Variants in WTAP observed in about 807,000 individuals in gnomAD.
WTAP encodes pre-mRNA-splicing regulator WTAP.
A neutral mutation model predicts 50.0 loss-of-function variants in WTAP; 8 were observed. That is an observed-to-expected ratio of 0.16 (90% confidence interval 0.09 to 0.29). WTAP has a LOEUF of 0.29. Among genes scored for constraint, WTAP ranks in the 10% least tolerant of loss-of-function variants. The probability of loss-of-function intolerance (pLI) is 1.00; values close to 1 mark genes in which losing one functional copy is unlikely to be tolerated. For missense variants in WTAP, 295 were observed against 470.7 expected, an observed-to-expected ratio of 0.63 and a Z score of 3.45; for synonymous variants, 194 against 169.0, an observed-to-expected ratio of 1.15 and a Z score of -1.15.
intron 1 of WTAP, among the ~76,000 whole-genome samples, chr6:159,733,469 A>G (rs1318128477): frequency 6.6e-6 from 1 of 152,140 alleles, no homozygotes; most frequent in Non-Finnish European, 1.5e-5. Context: ...AAAATTACAA[A>G]AAATTAACTG....
Position 159,727,693 on chromosome 6 carries a change from T to A in WTAP, c.-19T>A. ...CGACCGGTGGCGCCGGCGCGGCTTCTGCCTGGAGAGGTAGGCGCGGGCCGG... is the reference window on the plus strand; with the variant it reads ...CGACCGGTGGCGCCGGCGCGGCTTCAGCCTGGAGAGGTAGGCGCGGGCCGG... On this transcript the variant is annotated 5_prime_UTR_variant, in exon 1 of 8. Transcript: ENST00000621533. 1.0e-6 allele frequency: 1 copy of A among 982,906 alleles called. No homozygotes were observed. Among genetic ancestry groups the A allele is most frequent in the Non-Finnish European group, 1.2e-6 (1 of 829,540 alleles). 60.9% of individuals were successfully genotyped at this position (982,906 alleles called of 1,614,324 possible). A position where few individuals can be genotyped will look rare whatever the true frequency, so the allele number is the denominator to read the frequency against.
chr6:159,742,174 A>G lies in WTAP; in HGVS notation c.145+28A>G, dbSNP rs759453958. ...AAGTTTGAGTTTTAGCTTCCTAAAG[A>G]CTGAATAATCTCCTTTTGATTGTTA... On this transcript the variant is annotated intron_variant, in intron 4 of 7. Coordinates refer to ENST00000621533, the MANE Select transcript of WTAP (RefSeq NM_001270531.2). The G allele has an allele frequency of 7.7e-6, 12 of 1,548,918 alleles. No homozygotes were observed. The East Asian group carries it at 2.7e-4, about 35-fold the overall frequency.
Position 159,743,459 on chromosome 6 carries a change from TTTAG to T in WTAP, c.146-200_146-197del, listed in dbSNP as rs139595578. Among the ~76,000 whole-genome samples, 13 of 152,338 alleles carry T rather than the reference TTTAG, an allele frequency of 8.5e-5. No individual in the cohort carries two copies. In the East Asian group the frequency reaches 2.3e-3, roughly 27 times the overall value. Reference sequence around the variant, plus strand: ...AGTAGATGAAACTATAAAAACATAATTTAGTTAGTAGTCATGGAGCACTATGACA... The same window carrying T: ...AGTAGATGAAACTATAAAAACATAATTTAGTAGTCATGGAGCACTATGACA... On this transcript the variant is annotated intron_variant, in intron 4 of 7. Transcript: ENST00000621533.
intron 1 of WTAP, among the ~76,000 whole-genome samples, chr6:159,732,267 A>AT (rs1778619830): frequency 6.6e-6 from 1 of 152,216 alleles, no homozygotes; most frequent in Non-Finnish European, 1.5e-5. Context: ...ATTGAACAGC[A>AT]TCCATGATAC....
At chr6:159,731,587 A>G (rs1778573124) in intron 1 of WTAP, among the ~76,000 whole-genome samples, 1 of 152,376 alleles carries the variant, frequency 6.6e-6, no homozygotes, top group South Asian at 2.1e-4. Flanking sequence ...TATGATTATT[A>G]TCCTCAACCT....
intron 1 of WTAP, among the ~76,000 whole-genome samples, chr6:159,735,305 A>T (rs1240373815): frequency 6.6e-6 from 1 of 152,048 alleles, no homozygotes; most frequent in African/African-American, 2.4e-5. Flanking sequence ...CGCCGGGCTA[A>T]TTTTTTTAAT....
At chr6:159,738,481 C>A (rs1287211185) in intron 2 of WTAP, among the ~76,000 whole-genome samples, 1 of 152,060 alleles carries the variant, frequency 6.6e-6, no homozygotes, top group Non-Finnish European at 1.5e-5. Context: ...CAATCATTTG[C>A]CTGTTAAAGG....
intron 1 of WTAP, among the ~76,000 whole-genome samples, 175 bp from the exon 2 acceptor site, chr6:159,736,083 T>C (rs1257265364): frequency 6.6e-6 from 1 of 152,200 alleles, no homozygotes; most frequent in Non-Finnish European, 1.5e-5. Flanking sequence ...CTCTGTAATA[T>C]CTTTGCCACT....
chr6:159,751,956 G>A (rs1360459352), intron 6 of WTAP, among the ~76,000 whole-genome samples: 10 of 151,788 alleles, frequency 6.6e-5, no homozygotes, highest in Admixed American at 4.6e-4. Context: ...CAGGTACTCC[G>A]GAGGCTGAGG....
At chr6:159,753,077 G>T (rs1779879004) in intron 6 of WTAP, among the ~76,000 whole-genome samples, 1 of 152,128 alleles carries the variant, frequency 6.6e-6, no homozygotes, top group Non-Finnish European at 1.5e-5. Flanking sequence ...ACCTTTTCAA[G>T]AACTTTTCTG....
upstream of WTAP, chr6:159,727,041 C>A (rs1385564529): frequency 1.3e-5 from 16 of 1,225,750 alleles, no homozygotes; most frequent in Middle Eastern, 3.5e-4. Context: ...GTGGCCCCGG[C>A]GAGTACTTCC....
Position 159,736,108 on chromosome 6 carries a change from A to T in WTAP, c.-8-150A>T, listed in dbSNP as rs116271519. 1.7e-3 allele frequency: 1,419 copies of T among 831,052 alleles called. 16 individuals are homozygous for T. In the African/African-American group the frequency reaches 0.022, roughly 13 times the overall value. The allele number at this position is 831,052 out of a possible 1,614,324, so 51.5% of individuals were successfully genotyped here. On this transcript the variant is annotated intron_variant, in intron 1 of 7. Coordinates refer to ENST00000621533, the MANE Select transcript of WTAP (RefSeq NM_001270531.2). ...TCTTTGCCACTTTTTTGTAAATCTA[A>T]AACTATTTTAAAATTGTTTATTTAA...
intron 1 of WTAP, among the ~76,000 whole-genome samples, chr6:159,732,229 A>G (rs543802608): frequency 1.3e-5 from 2 of 152,260 alleles, no homozygotes; most frequent in East Asian, 3.8e-4. Context: ...AGGACCAACT[A>G]TAATAACTTT....
At position 159,736,299 on chromosome 6, in the gene WTAP, T is replaced by C. The variant is rs374736441; in HGVS notation, c.30+4T>C. On this transcript the variant is annotated splice_donor_region_variant and intron_variant, in intron 2 of 7. Coordinates refer to ENST00000621533, the MANE Select transcript of WTAP (RefSeq NM_001270531.2). ...CGAAGAACCTCTTCCCAAGAAGGTA[T>C]GGGTTTTGGTTTTGGGTTTTTTTGT... The C allele has an allele frequency of 7.1e-5, 114 of 1,604,918 alleles. No homozygotes were observed. In the African/African-American group the frequency reaches 1.2e-3, roughly 17 times the overall value.
chr6:159,749,179 A>G (rs1779731784), intron 6 of WTAP: 8 of 985,940 alleles, frequency 8.1e-6, no homozygotes, highest in Non-Finnish European at 9.6e-6. Context: ...ATCAAACTTC[A>G]GGTTGAAACT....
intron 1 of WTAP, among the ~76,000 whole-genome samples, chr6:159,731,642 T>G (rs1190862370): frequency 6.6e-6 from 1 of 152,154 alleles, no homozygotes; most frequent in Non-Finnish European, 1.5e-5. Flanking sequence ...GAGTCTGTGT[T>G]TTTGATGGGG....
intron 3 of WTAP, 85 bp downstream of exon 3, chr6:159,739,130 A>C: frequency 9.1e-7 from 1 of 1,104,350 alleles, no homozygotes; most frequent in Non-Finnish European, 1.3e-6. Flanking sequence ...TGTGCCAGAT[A>C]TTGTTTTTAA....
Position 159,755,073 on chromosome 6 carries a change from T to C in WTAP, c.653T>C (p.Met218Thr). The change falls in exon 8 of 8, where the codon ATG becomes ACG. Residue 218 changes from methionine to threonine, a missense_variant. Physicochemically the swap from Met to Thr is moderately conservative, Grantham distance 81 (BLOSUM62 -1). Coordinates refer to ENST00000621533, the MANE Select transcript of WTAP (RefSeq NM_001270531.2). ...CAGCTTGATGAAGAAGTAGAGGGTA[T>C]GCAGAGTACCATTCTAGTTCTGCAG... ...IIQLDEEVEG[M>T]QSTILVLQQQ... 1 of 1,614,164 alleles carries C rather than the reference T, an allele frequency of 6.2e-7. No individual in the cohort carries two copies.
In WTAP at chr6:159,748,381, A is replaced by G; in HGVS notation, c.452+12A>G. On this transcript the variant is annotated intron_variant, in intron 6 of 7. Coordinates refer to ENST00000621533, the MANE Select transcript of WTAP (RefSeq NM_001270531.2). This position sits in a 1 kb window ranked among gnomAD's most constrained non-coding sequence, Gnocchi z 5.6. ...TTTACGCCTGATAGGTAAACAAATC[A>G]TACTCCCCAGTCAAGACTTCCCTGA... is the stretch of plus-strand genomic sequence containing the variant. 1.2e-6 allele frequency: 2 copies of G among 1,613,418 alleles called. No individual in the cohort carries two copies. Among genetic ancestry groups the G allele is most frequent in the Non-Finnish European group, 1.7e-6 (2 of 1,179,424 alleles).
Sources: gnomAD v4.1 joint callset for allele counts (sites outside exome capture counted in the v4.1 genomes callset) on GRCh38, gnomAD v4.1.1 for gene constraint, Gnocchi (gnomAD v3.1) non-coding constraint, MANE v1.5 for transcripts, NCBI Gene and HGNC (gene_info 2026-07-23, HGNC 2026-07-21) for gene names.